NHSL1: variants seen among roughly 807,000 people sequenced by gnomAD.
The protein encoded by NHSL1 is NHS-like protein 1.
NHSL1 carries 48 observed loss-of-function variants against 95.0 expected under a neutral mutation model. The ratio of observed to expected loss-of-function variants is 0.51; its 90% CI spans 0.40 to 0.64. NHSL1 has a LOEUF of 0.64. Ranked by LOEUF, NHSL1 falls within the 30% of genes least tolerant of loss-of-function variation. The probability of loss-of-function intolerance (pLI) is 0.00; values close to 1 mark genes in which losing one functional copy is unlikely to be tolerated. For missense variants in NHSL1, 1,971 were observed against 2,077.7 expected, an observed-to-expected ratio of 0.95 and a Z score of 1.00; for synonymous variants, 783 against 833.9, an observed-to-expected ratio of 0.94 and a Z score of 1.05.
At chr6:138,670,104 G>C (rs1785345086) in intron 1 of NHSL1, among the ~76,000 whole-genome samples, 1 of 151,088 alleles carries the variant, frequency 6.6e-6, no homozygotes, top group Non-Finnish European at 1.5e-5. Context: ...CTGGGTGACA[G>C]AGTGAGACTC....
At chr6:138,448,548 G>C (rs1777014015) in intron 3 of NHSL1, among the ~76,000 whole-genome samples, 1 of 152,138 alleles carries the variant, frequency 6.6e-6, no homozygotes, top group Admixed American at 6.5e-5. Context: ...TAAGTGCTAT[G>C]TCAACTTCTA....
At chr6:138,543,254 A>G (rs940265326) in intron 1 of NHSL1, among the ~76,000 whole-genome samples, 3 of 152,238 alleles carry the variant, frequency 2.0e-5, no homozygotes, top group Admixed American at 2.0e-4. Context: ...ACTTCGCAGA[A>G]CATCTTCACA....
chr6:138,683,111 T>C (rs1293375050), intron 1 of NHSL1, among the ~76,000 whole-genome samples: 1 of 152,114 alleles, frequency 6.6e-6, no homozygotes, highest in Non-Finnish European at 1.5e-5. Context: ...AGCAAGCCCA[T>C]GTCCATGTCC....
intron 1 of NHSL1, among the ~76,000 whole-genome samples, chr6:138,646,569 G>A (rs1198876745): frequency 6.6e-6 from 1 of 152,036 alleles, no homozygotes; most frequent in African/African-American, 2.4e-5. Context: ...TATCCATGGA[G>A]GAAAAAGTAG....
intron 3 of NHSL1, among the ~76,000 whole-genome samples, chr6:138,456,966 C>A (rs1273866572): frequency 6.6e-6 from 1 of 151,904 alleles, no homozygotes; most frequent in East Asian, 1.9e-4. Flanking sequence ...TCACTGCAAC[C>A]TCCACCTCCC....
At chr6:138,627,093 T>C (rs550230744) in intron 1 of NHSL1, among the ~76,000 whole-genome samples, 92 of 152,314 alleles carry the variant, frequency 6.0e-4, no homozygotes, top group African/African-American at 2.2e-3. Context: ...ATTAATGAGA[T>C]GTTGATGAGA....
chr6:138,425,432 C>T lies in NHSL1; in HGVS notation c.4086-616G>A, dbSNP rs113928609. Among the ~76,000 whole-genome samples the T allele has an allele frequency of 1.8e-3, 278 of 152,260 alleles. 3 individuals carry two copies. Among genetic ancestry groups the T allele is most frequent in the African/African-American group, 6.5e-3 (269 of 41,544 alleles). ...TTTTAACTTTGGAAAATTTCAAACACCCACACAAAAGAGAACAGCTCACTG... is the reference window on the plus strand; with the variant it reads ...TTTTAACTTTGGAAAATTTCAAACATCCACACAAAAGAGAACAGCTCACTG... On this transcript the variant is annotated intron_variant, in intron 7 of 7. Coordinates refer to ENST00000343505, the MANE Select transcript of NHSL1 (RefSeq NM_001144060.2).
intron 1 of NHSL1, among the ~76,000 whole-genome samples, chr6:138,511,899 T>C (rs1781250294): frequency 6.6e-6 from 1 of 152,154 alleles, no homozygotes; most frequent in African/African-American, 2.4e-5. Flanking sequence ...TAGAGCGAGA[T>C]CCTGTCTTGA....
upstream of NHSL1, among the ~76,000 whole-genome samples, chr6:138,548,138 T>C (rs1423167563): frequency 1.3e-5 from 2 of 151,960 alleles, no homozygotes; most frequent in Admixed American, 6.5e-5. Context: ...CCCGCCACCA[T>C]GCCCGGCTAA....
upstream of NHSL1, among the ~76,000 whole-genome samples, chr6:138,576,121 A>G (rs1355434305): frequency 6.6e-6 from 1 of 151,992 alleles, no homozygotes; most frequent in Non-Finnish European, 1.5e-5. Context: ...CCTCCCAAGT[A>G]GCTGGAACTA....
intron 1 of NHSL1, among the ~76,000 whole-genome samples, chr6:138,635,232 G>A (rs1389972795): frequency 6.6e-6 from 1 of 151,966 alleles, no homozygotes; most frequent in African/African-American, 2.4e-5. Context: ...TTGTATTTTT[G>A]GAATCATGAA....
intron 1 of NHSL1, among the ~76,000 whole-genome samples, chr6:138,580,869 G>A (rs1268357160): frequency 6.6e-6 from 1 of 152,178 alleles, no homozygotes; most frequent in Non-Finnish European, 1.5e-5. Context: ...GATTAGCGCG[G>A]GCTAATATAG....
At chr6:138,528,264 C>T (rs1781993849) in intron 1 of NHSL1, among the ~76,000 whole-genome samples, 1 of 151,662 alleles carries the variant, frequency 6.6e-6, no homozygotes, top group African/African-American at 2.4e-5. Context: ...AACAGAGAAG[C>T]AAAGGAGAGC....
upstream of NHSL1, among the ~76,000 whole-genome samples, chr6:138,503,476 A>C (rs1390066675): frequency 6.6e-6 from 1 of 152,220 alleles, no homozygotes; most frequent in African/African-American, 2.4e-5. Flanking sequence ...ATAACGTGAA[A>C]AGTACATGAA....
At chr6:138,603,060 T>C (rs1249981950) in intron 1 of NHSL1, among the ~76,000 whole-genome samples, 3 of 152,218 alleles carry the variant, frequency 2.0e-5, no homozygotes, top group African/African-American at 7.2e-5. Context: ...GCTGGTTTTC[T>C]TTTATGGAAA....
chr6:138,467,071 T>C (rs1778428974), intron 3 of NHSL1, among the ~76,000 whole-genome samples: 1 of 152,084 alleles, frequency 6.6e-6, no homozygotes, highest in African/African-American at 2.4e-5. Flanking sequence ...GCATAATACA[T>C]CATACTTGAT....
At chr6:138,543,215 C>A (rs73557335) in intron 1 of NHSL1, among the ~76,000 whole-genome samples, 15,690 of 152,168 alleles carry the variant, frequency 0.1, 1,558 homozygotes, top group African/African-American at 0.27. Context: ...ACGTACCATG[C>A]CTTTGTTAGC....
chr6:138,525,894 C>G (rs1271015729), intron 1 of NHSL1, among the ~76,000 whole-genome samples: 1 of 151,308 alleles, frequency 6.6e-6, no homozygotes, highest in Non-Finnish European at 1.5e-5. Context: ...GTCAGGAGTT[C>G]GAGACCAGCC....
chr6:138,685,454 T>C (rs1785573365), intron 1 of NHSL1, among the ~76,000 whole-genome samples: 2 of 152,164 alleles, frequency 1.3e-5, no homozygotes, highest in Admixed American at 1.3e-4. Context: ...GGGCAGAATA[T>C]ACACAAATTA....
Sources: allele counts gnomAD v4.1 joint callset (sites outside exome capture counted in the v4.1 genomes callset), GRCh38; gene constraint gnomAD v4.1.1; transcripts MANE v1.5; gene names NCBI Gene and HGNC (gene_info 2026-07-23, HGNC 2026-07-21).